The following MMEL1 variants were observed in gnomAD, a reference collection of about 807,000 sequenced individuals.
MMEL1 encodes the protein membrane metalloendopeptidase like 1, also known as membrane metallo-endopeptidase-like 1.
A neutral mutation model predicts 117.1 loss-of-function variants in MMEL1; 98 were observed. The ratio of observed to expected loss-of-function variants is 0.84; its 90% CI spans 0.71 to 0.99. The LOEUF is 0.99. Ranked by LOEUF, MMEL1 falls within the 50% of genes least tolerant of loss-of-function variation. The pLI is 0.00. For synonymous variants in MMEL1, 390 were observed against 415.1 expected (o/e 0.94, Z 0.74); for missense variants, 1,014 against 1,049.1 (o/e 0.97, Z 0.46).
intron 7 of MMEL1, 65 bp from the exon 8 acceptor site, chr1:2,606,431 G>T: frequency 1.6e-6 from 2 of 1,264,944 alleles, no homozygotes; most frequent in Non-Finnish European, 2.3e-6. Flanking sequence ...GCCCCTTGTC[G>T]GTGAATCTGG....
intron 23 of MMEL1, 60 bp from the exon 24 acceptor site, chr1:2,591,149 T>A: frequency 8.0e-7 from 1 of 1,245,180 alleles, no homozygotes; most frequent in Non-Finnish European, 1.1e-6. Flanking sequence ...ATGGCCATTT[T>A]AAGTTCTCCG....
chr1:2,631,087 G>C (rs1393862820), intron 1 of MMEL1, among the ~76,000 whole-genome samples: 1 of 152,150 alleles, frequency 6.6e-6, no homozygotes, highest in African/African-American at 2.4e-5. Flanking sequence ...GTGCATGTCT[G>C]TGTGTGTGTG....
Position 2,591,478 on chromosome 1 carries a change from C to T in MMEL1, c.2240+79G>A, listed in dbSNP as rs995850185. 6.6e-6 allele frequency: 8 copies of T among 1,213,916 alleles called. No individual in the cohort carries two copies. In the African/African-American group the frequency reaches 1.2e-4, roughly 18 times the overall value. 75.2% of individuals were successfully genotyped at this position (1,213,916 alleles called of 1,614,324 possible). A position where few individuals can be genotyped will look rare whatever the true frequency, so the allele number is the denominator to read the frequency against. Reference sequence around the variant, plus strand: ...TGTCTCTGTTGAGCCACTTTTTGTGCTTTCTTCTTTTACAGGCCACTGGGG... The same window carrying T: ...TGTCTCTGTTGAGCCACTTTTTGTGTTTTCTTCTTTTACAGGCCACTGGGG... On this transcript the variant is annotated intron_variant, in intron 23 of 23. Transcript: ENST00000378412.
In MMEL1 at chr1:2,606,957, G is replaced by T. The variant is rs1229853451; in HGVS notation, c.631+17C>A. 6.2e-7 allele frequency: 1 copy of T among 1,607,450 alleles called. No individual in the cohort carries two copies. The highest frequency in any genetic ancestry group is 2.2e-5 in the East Asian group (1 of 44,850). On this transcript the variant is annotated intron_variant, in intron 7 of 23. Transcript: ENST00000378412. ...TCCTTTGTCTGTCTGTGAGGCTGCT[G>T]CCAGGCCCGGCCTTACCTACGGTCT...
chr1:2,591,503 G>A, intron 23 of MMEL1, 54 bp downstream of exon 23: 7 of 1,416,908 alleles, frequency 4.9e-6, no homozygotes, highest in South Asian at 4.6e-5. Flanking sequence ...GGCCACTGGG[G>A]TGGGGGTGAG....
intron 2 of MMEL1, among the ~76,000 whole-genome samples, chr1:2,625,309 C>T (rs1209787507): frequency 6.6e-6 from 1 of 152,200 alleles, no homozygotes; most frequent in Admixed American, 6.5e-5. Context: ...CTGGAGGCAG[C>T]ACACTCCTCA....
intron 17 of MMEL1, 32 bp downstream of exon 17, chr1:2,594,758 C>T (rs775506097): frequency 1.9e-6 from 3 of 1,579,598 alleles, no homozygotes; most frequent in Non-Finnish European, 2.6e-6. Context: ...CCTGGCCCCC[C>T]CCGCCCATGC....
intron 2 of MMEL1, among the ~76,000 whole-genome samples, chr1:2,618,198 T>G (rs921431389): frequency 3.3e-5 from 5 of 152,254 alleles, no homozygotes; most frequent in African/African-American, 9.6e-5. Flanking sequence ...GTGGACCTGA[T>G]TCTTCATGAA....
At chr1:2,607,463 C>T (rs1339910619) in intron 6 of MMEL1, among the ~76,000 whole-genome samples, 5 of 104,402 alleles carry the variant, frequency 4.8e-5, no homozygotes, top group Admixed American at 4.7e-4. Flanking sequence ...ACTCAGGCAG[C>T]GGTGGGTGGG....
At chr1:2,608,830 A>C (rs1645075835) in intron 6 of MMEL1, among the ~76,000 whole-genome samples, 1 of 152,134 alleles carries the variant, frequency 6.6e-6, no homozygotes, top group Non-Finnish European at 1.5e-5. Context: ...CAACACACAT[A>C]CATGCATACA....
At chr1:2,613,887 A>G (rs1233234389) in intron 2 of MMEL1, among the ~76,000 whole-genome samples, 1 of 152,084 alleles carries the variant, frequency 6.6e-6, no homozygotes. Context: ...AAAACAAAAA[A>G]CTATGAGCTA....
chr1:2,598,504 C>T, intron 12 of MMEL1, 150 bp downstream of exon 12: 1 of 1,325,724 alleles, frequency 7.5e-7, no homozygotes, highest in Non-Finnish European at 1.0e-6. Context: ...TAAGACTCCA[C>T]TGGCCACTAA....
chr1:2,621,741 TAAGTA>T (rs1230352234), intron 2 of MMEL1, among the ~76,000 whole-genome samples: 1 of 152,208 alleles, frequency 6.6e-6, no homozygotes, highest in East Asian at 1.9e-4. Context: ...TTTTGTATTT[TAAGTA>T]GAGATGGGGT....
At position 2,612,609 on chromosome 1, in the gene MMEL1, A is replaced by C. The variant is rs367976953; in HGVS notation, c.155-405T>G. Among the ~76,000 whole-genome samples, 1 of 152,256 alleles carries C rather than the reference A, an allele frequency of 6.6e-6. No individual in the cohort carries two copies. Among genetic ancestry groups the C allele is most frequent in the East Asian group, 1.9e-4 (1 of 5,174 alleles). On this transcript the variant is annotated intron_variant, in intron 2 of 23. Coordinates refer to ENST00000378412, the MANE Select transcript of MMEL1 (RefSeq NM_033467.4). The surrounding 1 kb of genome is among the most constrained non-coding windows in gnomAD (Gnocchi z 5.4). ...AGGTGGCACGCTCCTGGAGTCCCAC[A>C]GGGCAGGCTCATTTAGAGGGACAGG...
At chr1:2,607,184 C>T (rs1645043208) in intron 6 of MMEL1, 115 bp from the exon 7 acceptor site, 1 of 839,616 alleles carries the variant, frequency 1.2e-6, no homozygotes, top group African/African-American at 1.7e-5. Context: ...CCCTGCAGTG[C>T]TCCGCGAGAG....
At chr1:2,602,696 G>A (rs557864217) in intron 11 of MMEL1, among the ~76,000 whole-genome samples, 2 of 152,288 alleles carry the variant, frequency 1.3e-5, no homozygotes, top group East Asian at 3.9e-4. Flanking sequence ...GGTCGGACAC[G>A]GCATCCCCCG....
Position 2,604,187 on chromosome 1 carries a change from T to G in MMEL1, c.911A>C (p.Asp304Ala). 6.2e-7 allele frequency: 1 copy of G among 1,610,834 alleles called. No homozygotes were observed. The highest frequency in any genetic ancestry group is 8.5e-7 in the Non-Finnish European group (1 of 1,179,046). Residue 304 changes from aspartate (D) to alanine (A), a missense_variant, in exon 10 of 24, where the codon GAC (aspartate) becomes GCC (alanine). Asp to Ala is a moderately radical substitution (Grantham distance 126). Transcript: ENST00000378412. ...CTCCAGCTCCAGCACCTGCACCATG[T>G]CCTCCTGCACCAGGCAGCTGTCCCT... ...LPRDSCLVQE[D>A]MVQVLELETQ...
chr1:2,608,518 TAC>T (rs1645066888), intron 6 of MMEL1, among the ~76,000 whole-genome samples: 2 of 139,332 alleles, frequency 1.4e-5, no homozygotes, highest in Non-Finnish European at 3.1e-5. Context: ...ATAACACATA[TAC>T]ACACATACAC....
Position 2,608,540 on chromosome 1 carries a change from T to C in MMEL1, c.535+799A>G, listed in dbSNP as rs141393237. 1.6e-5 allele frequency among the ~76,000 whole-genome samples: 2 copies of C among 123,924 alleles called. 1 individual carries two copies. The highest frequency in any genetic ancestry group is 5.8e-4 in the South Asian group (2 of 3,430). 81.3% of individuals were successfully genotyped at this position (123,924 alleles called of 152,430 possible). A position where few individuals can be genotyped will look rare whatever the true frequency, so the allele number is the denominator to read the frequency against. On this transcript the variant is annotated intron_variant, in intron 6 of 23. Transcript: ENST00000378412. ...ATATACACACATACACATACACACATACACATACACACATATACACATGTA... is the reference window on the plus strand; with the variant it reads ...ATATACACACATACACATACACACACACACATACACACATATACACATGTA...
Sources: gnomAD v4.1 joint callset for allele counts (sites outside exome capture counted in the v4.1 genomes callset) on GRCh38, gnomAD v4.1.1 for gene constraint, Gnocchi (gnomAD v3.1) non-coding constraint, MANE v1.5 for transcripts, NCBI Gene and HGNC (gene_info 2026-07-23, HGNC 2026-07-21) for gene names.